The following CTIF variants were observed in gnomAD, a reference collection of about 807,000 sequenced individuals.
CTIF encodes the protein CBP80/20-dependent translation initiation factor.
CTIF carries 21 observed loss-of-function variants against 66.0 expected under a neutral mutation model. That is an observed-to-expected ratio of 0.32 (90% CI 0.23 to 0.46). The LOEUF is 0.46. Among genes scored for constraint, CTIF ranks in the 20% least tolerant of loss-of-function variants. CTIF has a pLI of 1.00. For synonymous variants in CTIF, 345 were observed against 326.4 expected (o/e 1.06, Z -0.62); for missense variants, 739 against 812.7 (o/e 0.91, Z 1.10).
intron 1 of CTIF, among the ~76,000 whole-genome samples, chr18:48,555,853 G>A (rs1274220485): frequency 6.6e-6 from 1 of 152,200 alleles, no homozygotes; most frequent in African/African-American, 2.4e-5. Context: ...TTGGGGCACT[G>A]GGCATGGGGA....
chr18:48,699,520 G>A (rs2092054209), intron 6 of CTIF, among the ~76,000 whole-genome samples: 1 of 152,168 alleles, frequency 6.6e-6, no homozygotes, highest in African/African-American at 2.4e-5. Flanking sequence ...CACGGCCTGG[G>A]AGCTTAGCAG....
intron 3 of CTIF, among the ~76,000 whole-genome samples, chr18:48,649,981 C>T (rs1414095049): frequency 6.6e-5 from 10 of 152,198 alleles, no homozygotes; most frequent in African/African-American, 2.2e-4. Context: ...AGGTCACCAA[C>T]GTCAAAGACC....
rs373350836 is a variant in CTIF at position 48,603,067 on chromosome 18, GTGGA to G, written c.-28-16451_-28-16448del. On this transcript the variant is annotated intron_variant, in intron 1 of 11. Coordinates refer to ENST00000256413, the MANE Select transcript of CTIF (RefSeq NM_014772.3). The stretch of plus-strand genomic sequence containing the variant: ...TGGATGTATGGATGGATAAGAATGG[GTGGA>G]TGGATGGATGGATGGATGGCTAGAT... 8.0e-3 allele frequency among the ~76,000 whole-genome samples: 1,181 copies of G among 148,236 alleles called. 10 individuals carry two copies. The highest frequency in any genetic ancestry group is 0.022 in the African/African-American group (898 of 39,982).
chr18:48,549,600 C>T (rs757950611), intron 1 of CTIF, among the ~76,000 whole-genome samples: 7 of 152,172 alleles, frequency 4.6e-5, no homozygotes, highest in African/African-American at 7.2e-5. Flanking sequence ...GCCACTGCTC[C>T]GGGCATCATG....
At chr18:48,694,998 C>T (rs1264445210) in intron 6 of CTIF, among the ~76,000 whole-genome samples, 3 of 152,220 alleles carry the variant, frequency 2.0e-5, no homozygotes, top group Non-Finnish European at 4.4e-5. Context: ...GTCATTTCTG[C>T]AAGTTCCTCA....
chr18:48,781,255 C>T (rs1032384555), intron 9 of CTIF, among the ~76,000 whole-genome samples: 16 of 152,206 alleles, frequency 1.1e-4, no homozygotes, highest in Non-Finnish European at 1.3e-4. Context: ...CAAAGCCGTG[C>T]GCCGCAGCGG....
chr18:48,763,028 G>A (rs1168060538), intron 9 of CTIF, among the ~76,000 whole-genome samples: 11 of 152,206 alleles, frequency 7.2e-5, no homozygotes, highest in African/African-American at 1.7e-4. Context: ...ACGAATTCCC[G>A]CATTACCTGA....
chr18:48,793,579 C>T (rs1051319152), intron 9 of CTIF, among the ~76,000 whole-genome samples: 1 of 152,188 alleles, frequency 6.6e-6, no homozygotes, highest in Admixed American at 6.5e-5. Context: ...TAAACAGAAT[C>T]CCTTGGCGCA....
chr18:48,779,564 C>G (rs113304346), intron 9 of CTIF, among the ~76,000 whole-genome samples: 169 of 152,368 alleles, frequency 1.1e-3, no homozygotes, highest in African/African-American at 3.6e-3. Flanking sequence ...GCCATGCTTT[C>G]AGAGCCTCCT....
intron 7 of CTIF, among the ~76,000 whole-genome samples, chr18:48,724,940 G>A (rs1386844537): frequency 6.6e-6 from 1 of 152,228 alleles, no homozygotes; most frequent in Non-Finnish European, 1.5e-5. Context: ...TTCAAGGGGA[G>A]GATTTGGTGG....
intron 1 of CTIF, among the ~76,000 whole-genome samples, chr18:48,554,447 A>G (rs1214945815): frequency 1.3e-5 from 2 of 152,320 alleles, no homozygotes; most frequent in East Asian, 3.9e-4. Context: ...AGGCCGAGGC[A>G]GGCACTGCGA....
intron 3 of CTIF, among the ~76,000 whole-genome samples, chr18:48,652,246 TAAAG>T (rs1188091857): frequency 6.6e-6 from 1 of 151,558 alleles, no homozygotes; most frequent in African/African-American, 2.4e-5. Context: ...GCAAGACTAA[TAAAG>T]AAGAAAAGAG....
intron 9 of CTIF, among the ~76,000 whole-genome samples, chr18:48,803,124 G>A (rs1017476040): frequency 6.6e-6 from 1 of 152,244 alleles, no homozygotes; most frequent in Non-Finnish European, 1.5e-5. Flanking sequence ...CAGCAGAGCT[G>A]AGCCTACCTG....
chr18:48,689,363 G>A (rs147981549), intron 6 of CTIF, among the ~76,000 whole-genome samples: 1 of 152,322 alleles, frequency 6.6e-6, no homozygotes, highest in East Asian at 1.9e-4. Flanking sequence ...ACCTCCTGGG[G>A]TTGTTCAAAG....
rs192695613 is a variant in CTIF, at chr18:48,576,595, G to T, written c.-29+37283G>T. Among the ~76,000 whole-genome samples the T allele has an allele frequency of 9.2e-5, 14 of 152,330 alleles. No individual in the cohort carries two copies. The East Asian group carries it at 2.5e-3, about 27-fold the overall frequency. On this transcript the variant is annotated intron_variant, in intron 1 of 11. Transcript: ENST00000256413. ...CCTCTGAATGGAGGTTCTTTTTCCA[G>T]ATTCGCTGTGCCAGCCGGGGCGTAA...
chr18:48,681,099 C>T (rs899461747), intron 6 of CTIF, among the ~76,000 whole-genome samples: 3 of 152,220 alleles, frequency 2.0e-5, no homozygotes, highest in Admixed American at 6.5e-5. Context: ...AGCATTGCAG[C>T]GGCCAGGCAG....
intron 1 of CTIF, among the ~76,000 whole-genome samples, chr18:48,542,403 G>A (rs2088642603): frequency 2.6e-5 from 4 of 152,214 alleles, no homozygotes. Flanking sequence ...TGCATGTGAA[G>A]GCTGTCAGAC....
At chr18:48,854,839 C>T (rs1342021365) in intron 10 of CTIF, among the ~76,000 whole-genome samples, 3 of 152,178 alleles carry the variant, frequency 2.0e-5, no homozygotes, top group East Asian at 1.9e-4. Flanking sequence ...CAGAGGATTG[C>T]TCGAGCCTAA....
chr18:48,568,877 T>C (rs1460549048), intron 1 of CTIF, among the ~76,000 whole-genome samples: 1 of 152,004 alleles, frequency 6.6e-6, no homozygotes, highest in African/African-American at 2.4e-5. Context: ...GATTCAATTA[T>C]CTCCCACCAG....
Sources: gnomAD v4.1 joint callset for allele counts (sites outside exome capture counted in the v4.1 genomes callset) on GRCh38, gnomAD v4.1.1 for gene constraint, MANE v1.5 for transcripts, NCBI Gene and HGNC (gene_info 2026-07-23, HGNC 2026-07-21) for gene names.